The following ABHD2 variants were observed in gnomAD, a reference collection of about 807,000 sequenced individuals.
The protein encoded by ABHD2 is abhydrolase domain containing 2, acylglycerol lipase, also known as monoacylglycerol lipase ABHD2.
ABHD2 carries 20 observed loss-of-function variants against 48.1 expected under a neutral mutation model. That is an observed-to-expected ratio of 0.42 (90% CI 0.29 to 0.60). The LOEUF (loss-of-function observed/expected upper bound fraction) is 0.60, where lower values mean the gene tolerates loss of function less well. ABHD2 is among the 20% of genes least tolerant of loss of function. The pLI is 0.24. For synonymous variants in ABHD2, 209 were observed against 214.2 expected (o/e 0.98, Z 0.21); for missense variants, 405 against 550.9 (o/e 0.74, Z 2.65).
intron 3 of ABHD2, among the ~76,000 whole-genome samples, chr15:89,130,877 C>T (rs1434206887): frequency 6.6e-6 from 1 of 152,208 alleles, no homozygotes; most frequent in East Asian, 1.9e-4. Context: ...TGGTTTAAAG[C>T]AAGGCTCGTG....
intron 3 of ABHD2, among the ~76,000 whole-genome samples, chr15:89,132,215 G>T (rs2050231236): frequency 6.6e-6 from 1 of 152,196 alleles, no homozygotes; most frequent in Non-Finnish European, 1.5e-5. Flanking sequence ...GAGTTCAAAT[G>T]CAGGGTCCGC....
intron 3 of ABHD2, among the ~76,000 whole-genome samples, chr15:89,117,746 G>C (rs2049984238): frequency 6.6e-6 from 1 of 152,182 alleles, no homozygotes; most frequent in Non-Finnish European, 1.5e-5. Flanking sequence ...TTGGCTGTTG[G>C]GGACACTGGG....
chr15:89,061,839 G>T, the ABHD2 span, among the ~76,000 whole-genome samples: 1 of 152,230 alleles, frequency 6.6e-6, no homozygotes, highest in Non-Finnish European at 1.5e-5. Context: ...CTCCCAAAGT[G>T]CTAGGATTAC....
the ABHD2 span, among the ~76,000 whole-genome samples, chr15:89,057,655 C>A: frequency 6.6e-6 from 1 of 152,178 alleles, no homozygotes; most frequent in African/African-American, 2.4e-5. Flanking sequence ...GGCTCACCCC[C>A]ATTCCTGCTG....
At chr15:89,147,962 C>T (rs2050522385) in intron 3 of ABHD2, among the ~76,000 whole-genome samples, 1 of 150,626 alleles carries the variant, frequency 6.6e-6, no homozygotes, top group East Asian at 2.0e-4. Context: ...ACTAAGAATA[C>T]AAAAATCAGC....
the ABHD2 span, among the ~76,000 whole-genome samples, chr15:89,068,204 AC>A: frequency 6.6e-6 from 1 of 151,786 alleles, no homozygotes; most frequent in East Asian, 1.9e-4. Context: ...GTGCACACAC[AC>A]ACACACACAC....
chr15:89,068,896 G>A, the ABHD2 span, among the ~76,000 whole-genome samples: 1 of 148,716 alleles, frequency 6.7e-6, no homozygotes, highest in Non-Finnish European at 1.5e-5. Context: ...AGCCTCCTGA[G>A]TAGCTGGGAC....
chr15:89,140,200 A>G (rs1445986737), intron 3 of ABHD2, among the ~76,000 whole-genome samples: 3 of 152,214 alleles, frequency 2.0e-5, no homozygotes, highest in African/African-American at 7.2e-5. Context: ...CTCACGTGCT[A>G]TGTTAGCAGT....
intron 3 of ABHD2, among the ~76,000 whole-genome samples, chr15:89,140,951 A>G (rs1459587445): frequency 6.7e-6 from 1 of 148,916 alleles, no homozygotes; most frequent in Admixed American, 6.7e-5. Flanking sequence ...TAACTTTATT[A>G]TAGTTAATAG....
chr15:89,191,198 G>A (rs770986059), intron 9 of ABHD2, 49 bp downstream of exon 9: 112 of 1,581,842 alleles, frequency 7.1e-5, no homozygotes, highest in Middle Eastern at 3.3e-4. Flanking sequence ...ACCCAGCCTC[G>A]CACACAATAC....
chr15:89,160,051 T>C (rs1242257724), intron 5 of ABHD2, among the ~76,000 whole-genome samples: 1 of 152,240 alleles, frequency 6.6e-6, no homozygotes, highest in Non-Finnish European at 1.5e-5. Context: ...AAAACATCTT[T>C]CGTAGCTTCA....
intron 3 of ABHD2, among the ~76,000 whole-genome samples, chr15:89,133,689 A>ACCAT (rs1399870565): frequency 3.8e-4 from 57 of 151,964 alleles, no homozygotes; most frequent in African/African-American, 1.3e-3. Flanking sequence ...CATTTTTCTG[A>ACCAT]TGGTCATTGG....
chr15:89,117,900 T>C (rs947202348), intron 3 of ABHD2, among the ~76,000 whole-genome samples: 3 of 152,258 alleles, frequency 2.0e-5, no homozygotes, highest in East Asian at 1.9e-4. Context: ...GGTATTCTTA[T>C]GCAGTTTTCT....
the ABHD2 span, among the ~76,000 whole-genome samples, chr15:89,047,907 A>C: frequency 9.6e-5 from 14 of 146,382 alleles, no homozygotes; most frequent in African/African-American, 3.6e-4. Flanking sequence ...ATTTAAAGTT[A>C]ATATTGTTAT....
At chr15:89,063,051 T>A in the ABHD2 span, among the ~76,000 whole-genome samples, 1 of 141,750 alleles carries the variant, frequency 7.1e-6, no homozygotes, top group Non-Finnish European at 1.5e-5. Context: ...CACTGCAACC[T>A]CCACCTCCTG....
the ABHD2 span, among the ~76,000 whole-genome samples, chr15:89,049,598 G>GT: frequency 2.0e-5 from 3 of 152,256 alleles, no homozygotes; most frequent in African/African-American, 4.8e-5. Flanking sequence ...CTCGTGCGCC[G>GT]TTTTTTAAGC....
chr15:89,064,223 T>C, the ABHD2 span, among the ~76,000 whole-genome samples: 3 of 142,584 alleles, frequency 2.1e-5, no homozygotes, highest in Non-Finnish European at 4.6e-5. Context: ...TGTGTCCTTT[T>C]TTTTTTTTTT....
chr15:89,143,405 C>T (rs532982209), intron 3 of ABHD2, among the ~76,000 whole-genome samples: 7 of 152,310 alleles, frequency 4.6e-5, no homozygotes, highest in Admixed American at 2.0e-4. Flanking sequence ...CGGTGGCTCA[C>T]GCCTGTAATC....
At chr15:89,125,336 T>C (rs750261428) in intron 3 of ABHD2, among the ~76,000 whole-genome samples, 2 of 152,188 alleles carry the variant, frequency 1.3e-5, no homozygotes, top group Admixed American at 1.3e-4. Context: ...AACTGTAGTG[T>C]TCTGATGTGC....
Sources: allele counts gnomAD v4.1 joint callset (sites outside exome capture counted in the v4.1 genomes callset), GRCh38; gene constraint gnomAD v4.1.1; transcripts MANE v1.5; gene names NCBI Gene and HGNC (gene_info 2026-07-23, HGNC 2026-07-21).